Variants in AUTS2 observed in about 807,000 individuals in gnomAD.
The protein encoded by AUTS2 is autism susceptibility gene 2 protein.
AUTS2 carries 17 observed loss-of-function variants against 112.4 expected under a neutral mutation model. The ratio of observed to expected loss-of-function variants is 0.15; its 90% confidence interval spans 0.10 to 0.23. The LOEUF (loss-of-function observed/expected upper bound fraction) is 0.23. AUTS2 is among the 10% of genes least tolerant of loss of function. The pLI, the probability that AUTS2 is intolerant of heterozygous loss-of-function variation, is 1.00. For missense variants in AUTS2, 1,510 were observed against 1,701.6 expected (o/e 0.89, Z 1.98); for synonymous variants, 751 against 702.7 (o/e 1.07, Z -1.09).
At chr7:69,925,872 T>C (rs1795987601) in intron 2 of AUTS2, among the ~76,000 whole-genome samples, 1 of 152,188 alleles carries the variant, frequency 6.6e-6, no homozygotes, top group Non-Finnish European at 1.5e-5. Flanking sequence ...ACAAACACTT[T>C]AACTGGGTAT....
intron 4 of AUTS2, among the ~76,000 whole-genome samples, chr7:70,335,464 A>G (rs1445585226): frequency 6.6e-6 from 1 of 152,188 alleles, no homozygotes; most frequent in African/African-American, 2.4e-5. Flanking sequence ...GTCCATGGCC[A>G]TACTTATCAG....
At chr7:69,654,936 C>T (rs531369133) in intron 1 of AUTS2, among the ~76,000 whole-genome samples, 4 of 152,140 alleles carry the variant, frequency 2.6e-5, no homozygotes, top group Admixed American at 2.6e-4. Context: ...TATAAGTGCT[C>T]TTGCTTTGTA....
At chr7:70,392,200 G>A (rs1444487390) in intron 4 of AUTS2, among the ~76,000 whole-genome samples, 1 of 152,144 alleles carries the variant, frequency 6.6e-6, no homozygotes, top group Non-Finnish European at 1.5e-5. Flanking sequence ...GGCAAGAATG[G>A]TTTCTTGCCT....
intron 1 of AUTS2, among the ~76,000 whole-genome samples, chr7:69,677,118 G>A (rs1316553248): frequency 6.6e-6 from 1 of 152,046 alleles, no homozygotes; most frequent in African/African-American, 2.4e-5. Context: ...AAGAAATATA[G>A]GCTGTCAGAG....
At chr7:70,462,457 C>A (rs1194507897) in intron 5 of AUTS2, among the ~76,000 whole-genome samples, 3 of 152,012 alleles carry the variant, frequency 2.0e-5, no homozygotes, top group Non-Finnish European at 4.4e-5. Flanking sequence ...CTCTAAAATA[C>A]CACTTTTCTC....
chr7:69,740,578 C>T (rs892853610), intron 1 of AUTS2, among the ~76,000 whole-genome samples: 4 of 151,732 alleles, frequency 2.6e-5, no homozygotes, highest in Non-Finnish European at 4.4e-5. Context: ...GGCTGGAGTG[C>T]AATGGTGTGA....
intron 5 of AUTS2, among the ~76,000 whole-genome samples, chr7:70,444,480 A>AT (rs1478570771): frequency 6.6e-6 from 1 of 152,142 alleles, no homozygotes; most frequent in South Asian, 2.1e-4. Context: ...AGTGTGACAA[A>AT]TATAATCAAA....
chr7:70,777,285 A>T lies in AUTS2; in HGVS notation c.2004+111A>T, dbSNP rs1227887354. On this transcript the variant is annotated intron_variant, in intron 14 of 18. Coordinates refer to ENST00000342771, the MANE Select transcript of AUTS2 (RefSeq NM_015570.4). ...TTTAAAACACATTTTACAGACCCAT[A>T]GTTAGGAAGGATCAAGCCTCTCTTG... 22 of 956,630 alleles carry T rather than the reference A, an allele frequency of 2.3e-5. No homozygotes were observed. The Admixed American group carries it at 4.5e-4, about 20-fold the overall frequency. The allele number at this position is 956,630 out of a possible 1,614,324, so 59.3% of individuals were successfully genotyped here. A position where few individuals can be genotyped will look rare whatever the true frequency, so the allele number is the denominator to read the frequency against.
chr7:70,647,349 G>A (rs1806227648), intron 5 of AUTS2, among the ~76,000 whole-genome samples: 1 of 152,194 alleles, frequency 6.6e-6, no homozygotes, highest in African/African-American at 2.4e-5. Flanking sequence ...CTAGGCCTCA[G>A]CCCACTTCGC....
At chr7:70,082,117 T>C (rs1014745586) in intron 2 of AUTS2, among the ~76,000 whole-genome samples, 1 of 152,160 alleles carries the variant, frequency 6.6e-6, no homozygotes, top group Non-Finnish European at 1.5e-5. Flanking sequence ...TATGGTTCCC[T>C]ACCTCTAAGA....
Position 70,069,602 on chromosome 7 carries a change from G to A in AUTS2, c.523-48530G>A, listed in dbSNP as rs182019486. Among the ~76,000 whole-genome samples, 4 of 151,996 alleles carry A rather than the reference G, an allele frequency of 2.6e-5. No homozygotes were observed. In the East Asian group the frequency reaches 7.7e-4, roughly 29 times the overall value. ...TTATTATAGATTAGCTACTTCCTGTGTAATAAATCAATTATTCCTCTCAAT... is the reference window on the plus strand; with the variant it reads ...TTATTATAGATTAGCTACTTCCTGTATAATAAATCAATTATTCCTCTCAAT... On this transcript the variant is annotated intron_variant, in intron 2 of 18. Coordinates refer to ENST00000342771, the MANE Select transcript of AUTS2 (RefSeq NM_015570.4).
intron 2 of AUTS2, among the ~76,000 whole-genome samples, chr7:70,028,233 T>C (rs1396485196): frequency 1.3e-5 from 2 of 152,124 alleles, no homozygotes; most frequent in Non-Finnish European, 1.5e-5. Flanking sequence ...CCTCCCAAGT[T>C]TAGTTCACGC....
At chr7:69,624,604 C>A (rs996410820) in intron 1 of AUTS2, among the ~76,000 whole-genome samples, 6 of 152,140 alleles carry the variant, frequency 3.9e-5, no homozygotes, top group Non-Finnish European at 7.3e-5. Context: ...TGTCTGCAGC[C>A]ACCTGCCAGC....
intron 6 of AUTS2, among the ~76,000 whole-genome samples, chr7:70,715,784 G>C (rs1158505860): frequency 6.6e-6 from 1 of 151,954 alleles, no homozygotes; most frequent in African/African-American, 2.4e-5. Flanking sequence ...CACCTGCCCT[G>C]TCCTCCCAAA....
chr7:69,712,980 A>G (rs1261385285), intron 1 of AUTS2, among the ~76,000 whole-genome samples: 1 of 152,178 alleles, frequency 6.6e-6, no homozygotes, highest in African/African-American at 2.4e-5. Context: ...CTAGATGTTG[A>G]GCATCTTTTC....
intron 2 of AUTS2, among the ~76,000 whole-genome samples, chr7:69,988,021 T>C (rs913712341): frequency 4.6e-5 from 7 of 152,208 alleles, no homozygotes; most frequent in African/African-American, 1.7e-4. Flanking sequence ...AGTGTAACTT[T>C]GATCACACAG....
At chr7:69,851,532 A>G (rs575020018) in intron 1 of AUTS2, among the ~76,000 whole-genome samples, 2 of 152,294 alleles carry the variant, frequency 1.3e-5, no homozygotes, top group Non-Finnish European at 2.9e-5. Flanking sequence ...TTACAGGCGT[A>G]AGCCACTGCG....
intron 4 of AUTS2, among the ~76,000 whole-genome samples, chr7:70,151,786 G>A (rs1416666962): frequency 1.3e-5 from 2 of 152,036 alleles, no homozygotes; most frequent in Non-Finnish European, 2.9e-5. Context: ...TTCTGATAGG[G>A]TCAAACTATT....
chr7:70,283,620 A>G (rs1434673033), intron 4 of AUTS2, among the ~76,000 whole-genome samples: 2 of 152,192 alleles, frequency 1.3e-5, no homozygotes, highest in South Asian at 4.1e-4. Context: ...CTATTTGGTT[A>G]TAGTCTATAA....
Sources: allele counts gnomAD v4.1 joint callset (sites outside exome capture counted in the v4.1 genomes callset), GRCh38; gene constraint gnomAD v4.1.1; transcripts MANE v1.5; gene names NCBI Gene and HGNC (gene_info 2026-07-23, HGNC 2026-07-21).